The following CDH7 variants were observed in gnomAD, a reference collection of about 807,000 sequenced individuals.
CDH7 encodes cadherin 7, also known as cadherin-7.
A neutral mutation model predicts 71.8 loss-of-function variants in CDH7; 25 were observed. The observed-to-expected ratio is 0.35, with a 90% CI of 0.25 to 0.49. The LOEUF (loss-of-function observed/expected upper bound fraction) is 0.49, where lower values mean the gene tolerates loss of function less well. Among genes scored for constraint, CDH7 ranks in the 20% least tolerant of loss-of-function variants. The pLI, the probability that CDH7 is intolerant of heterozygous loss-of-function variation, is 0.99. For missense variants in CDH7, 862 were observed against 974.6 expected (o/e 0.88, Z 1.54); for synonymous variants, 381 against 363.8 (o/e 1.05, Z -0.54).
intron 2 of CDH7, among the ~76,000 whole-genome samples, chr18:65,807,820 A>T (rs958407766): frequency 7.9e-5 from 12 of 152,208 alleles, no homozygotes; most frequent in Admixed American, 5.9e-4. Context: ...CATGGAAACC[A>T]CTGGAAGCAC....
Position 65,859,000 on chromosome 18 carries a change from C to T in CDH7, c.1448C>T (p.Ala483Val). The part of the protein sequence containing the change: ...LDINDNAPEF[A>V]MDYETTVCEN... ...ATCAATGATAACGCCCCTGAATTTG[C>T]CATGGACTATGAGACCACCGTCTGT... Residue 483 changes from alanine (A) to valine (V), a missense_variant, in exon 9 of 12, where the codon GCC (alanine) becomes GTC (valine). Ala to Val is a moderately conservative substitution (Grantham distance 64). Transcript: ENST00000397968. The T allele has an allele frequency of 1.2e-6, 2 of 1,613,230 alleles. No homozygotes were observed. The highest frequency in any genetic ancestry group is 2.2e-5 in the East Asian group (1 of 44,844).
At chr18:65,836,387 G>A (rs1912533647) in intron 6 of CDH7, among the ~76,000 whole-genome samples, 1 of 152,030 alleles carries the variant, frequency 6.6e-6, no homozygotes, top group Non-Finnish European at 1.5e-5. Flanking sequence ...ACTGTGCTAA[G>A]TTTAAAATAA....
chr18:65,800,073 T>A (rs560791709), intron 2 of CDH7, among the ~76,000 whole-genome samples: 2 of 151,788 alleles, frequency 1.3e-5, no homozygotes, highest in Non-Finnish European at 2.9e-5. Flanking sequence ...CTAGAAGACA[T>A]TTTCTTTTTA....
chr18:65,840,611 G>A (rs1225128769), intron 6 of CDH7, among the ~76,000 whole-genome samples: 2 of 152,066 alleles, frequency 1.3e-5, no homozygotes, highest in African/African-American at 2.4e-5. Context: ...TGTCTCATGA[G>A]ATCTGATGGT....
At position 65,781,772 on chromosome 18, in the gene CDH7, T is replaced by TTTCTTTCTA. The variant is rs1568181261; in HGVS notation, c.210+18721_210+18722insTCTTTCTAT. Among the ~76,000 whole-genome samples the TTTCTTTCTA allele has an allele frequency of 2.1e-4, 16 of 75,776 alleles. 1 individual carries two copies. Among genetic ancestry groups the TTTCTTTCTA allele is most frequent in the South Asian group, 6.3e-4 (1 of 1,594 alleles). 49.7% of individuals were successfully genotyped at this position (75,776 alleles called of 152,430 possible). A position where few individuals can be genotyped will look rare whatever the true frequency, so the allele number is the denominator to read the frequency against. ...TTGATTTCTTTCTTTCTTTCTTTCC[T>TTTCTTTCTA]TCCTTCCTTCCTTCCTTCCTTCCTT... On this transcript the variant is annotated intron_variant, in intron 2 of 11. Transcript: ENST00000397968.
intron 2 of CDH7, among the ~76,000 whole-genome samples, chr18:65,777,251 C>T (rs927217357): frequency 4.6e-5 from 7 of 152,114 alleles, no homozygotes; most frequent in East Asian, 1.9e-4. Context: ...AATGTGAAGA[C>T]GAGTATTTCT....
chr18:65,857,361 T>TAATAAA (rs981951919), intron 7 of CDH7, among the ~76,000 whole-genome samples: 3 of 107,272 alleles, frequency 2.8e-5, no homozygotes, highest in South Asian at 3.5e-4. Context: ...ATAATAATAA[T>TAATAAA]AAAATAGCCA....
intron 10 of CDH7, among the ~76,000 whole-genome samples, chr18:65,860,400 A>G (rs1406348059): frequency 6.6e-6 from 1 of 152,150 alleles, no homozygotes; most frequent in Non-Finnish European, 1.5e-5. Context: ...TCAAAGGTAA[A>G]CACTCTTAGC....
intron 2 of CDH7, among the ~76,000 whole-genome samples, chr18:65,772,544 A>G (rs114437308): frequency 0.017 from 2,565 of 152,262 alleles, 63 homozygotes; most frequent in African/African-American, 0.058. Flanking sequence ...AAGAACATGT[A>G]GCCATCAACA....
In CDH7 at chr18:65,824,789, T is replaced by G. The variant is rs1408930550; in HGVS notation, c.939T>G (p.Ser313=). ...ATGGTTTGGGCATTTTTAAGATTTC[T>G]GTTGACAAAGAAACCCAGGAAGGAA... ...DGDGLGIFKI[S]VDKETQEGII... is the part of the protein sequence containing the mutation. The change falls in exon 6 of 12, where the codon TCT becomes TCG. Residue 313 remains serine, a synonymous_variant. Transcript: ENST00000397968. The G allele has an allele frequency of 6.2e-7, 1 of 1,612,416 alleles. No individual in the cohort carries two copies. Among genetic ancestry groups the G allele is most frequent in the African/African-American group, 1.3e-5 (1 of 74,978 alleles).
chr18:65,754,113 T>G (rs2143768413), intron 1 of CDH7, among the ~76,000 whole-genome samples: 1 of 152,334 alleles, frequency 6.6e-6, no homozygotes, highest in Non-Finnish European at 1.5e-5. Context: ...AGAAAGATTG[T>G]GCCTTGTTAC....
intron 2 of CDH7, among the ~76,000 whole-genome samples, chr18:65,766,922 A>AAAAAAAAAAAAAATT (rs199518714): frequency 4.4e-5 from 6 of 136,938 alleles, no homozygotes; most frequent in African/African-American, 1.6e-4. Context: ...AAAAAAAAAA[A>AAAAAAAAAAAAAATT]GTCTACAAAA....
intron 6 of CDH7, among the ~76,000 whole-genome samples, chr18:65,838,481 A>G (rs142000919): frequency 2.0e-5 from 3 of 152,332 alleles, no homozygotes; most frequent in East Asian, 1.9e-4. Flanking sequence ...CATTAAGTAT[A>G]TAGACATGCA....
At chr18:65,825,374 C>T (rs140568412) in intron 6 of CDH7, among the ~76,000 whole-genome samples, 18 of 151,750 alleles carry the variant, frequency 1.2e-4, no homozygotes, top group East Asian at 3.9e-4. Flanking sequence ...TTCTACAGAG[C>T]GAGTGTGAAA....
chr18:65,853,132 A>G (rs565296466), intron 7 of CDH7, among the ~76,000 whole-genome samples: 3 of 152,332 alleles, frequency 2.0e-5, no homozygotes, highest in East Asian at 1.9e-4. Flanking sequence ...TCCAATATAC[A>G]CTAAAGGAAG....
chr18:65,814,682 T>A, intron 4 of CDH7, 78 bp downstream of exon 4: 1 of 1,280,984 alleles, frequency 7.8e-7, no homozygotes, highest in South Asian at 1.5e-5. Context: ...CTAAATATAG[T>A]TGACACTAAT....
chr18:65,801,359 A>G (rs1362415693), intron 2 of CDH7, among the ~76,000 whole-genome samples: 2 of 152,210 alleles, frequency 1.3e-5, no homozygotes, highest in Non-Finnish European at 2.9e-5. Flanking sequence ...ACTAGATGAT[A>G]CTAGTTTTAA....
intron 6 of CDH7, among the ~76,000 whole-genome samples, chr18:65,834,696 A>T (rs1325609964): frequency 6.6e-6 from 1 of 152,236 alleles, no homozygotes; most frequent in Non-Finnish European, 1.5e-5. Context: ...GACATAACAG[A>T]TAAGGCAAAG....
In CDH7 at chr18:65,880,714, T is replaced by G. The variant is rs750333333; in HGVS notation, c.2178T>G (p.Pro726=). 1 of 1,614,094 alleles carries G rather than the reference T, an allele frequency of 6.2e-7. No individual in the cohort carries two copies. The highest frequency in any genetic ancestry group is 1.3e-5 in the African/African-American group (1 of 75,034). Residue 726 remains proline, a synonymous_variant, in exon 12 of 12, where the codon CCT becomes CCG. Transcript: ENST00000397968. ...CCGATGTTGATCCTGGTGCTCCTCC[T>G]TATGACTCCCTGCAGACATATGCTT... ...KEADVDPGAP[P]YDSLQTYAFE...
Sources: gnomAD v4.1 joint callset for allele counts (sites outside exome capture counted in the v4.1 genomes callset) on GRCh38, gnomAD v4.1.1 for gene constraint, MANE v1.5 for transcripts, NCBI Gene and HGNC (gene_info 2026-07-23, HGNC 2026-07-21) for gene names.